The following CHL1 variants were observed in gnomAD, a reference collection of about 807,000 sequenced individuals.
The protein encoded by CHL1 is neural cell adhesion molecule L1-like protein.
A neutral mutation model predicts 141.9 loss-of-function variants in CHL1; 96 were observed. The observed-to-expected ratio is 0.68, with a 90% CI of 0.57 to 0.80. The LOEUF (loss-of-function observed/expected upper bound fraction) is 0.80, where lower values mean the gene tolerates loss of function less well. CHL1 is among the 30% of genes least tolerant of loss of function. The pLI is 0.00. For synonymous variants in CHL1, 613 were observed against 502.2 expected (o/e 1.22, Z -2.95); for missense variants, 1,820 against 1,457.2 (o/e 1.25, Z -4.05).
chr3:279,288 T>C (rs1296406389), intron 2 of CHL1, among the ~76,000 whole-genome samples: 1 of 152,170 alleles, frequency 6.6e-6, no homozygotes, highest in East Asian at 1.9e-4. Context: ...TTTTCTTTTC[T>C]TTTCTATTTT....
intron 2 of CHL1, among the ~76,000 whole-genome samples, chr3:249,314 A>C (rs1693466085): frequency 1.3e-5 from 2 of 152,172 alleles, no homozygotes; most frequent in South Asian, 2.1e-4. Context: ...CTTGCAGTGG[A>C]AGGAAGCCTC....
intron 11 of CHL1, among the ~76,000 whole-genome samples, chr3:355,765 T>C (rs1237988484): frequency 6.6e-6 from 1 of 152,108 alleles, no homozygotes; most frequent in Non-Finnish European, 1.5e-5. Context: ...TTGGTTGTGC[T>C]TGAATGAAAA....
At chr3:270,918 A>T (rs1223164754) in intron 2 of CHL1, among the ~76,000 whole-genome samples, 1 of 152,208 alleles carries the variant, frequency 6.6e-6, no homozygotes, top group Non-Finnish European at 1.5e-5. Context: ...TTCAGGCATG[A>T]CTGCTGGCTT....
At chr3:317,145 T>G (rs1178384289) in intron 2 of CHL1, among the ~76,000 whole-genome samples, 1 of 152,054 alleles carries the variant, frequency 6.6e-6, no homozygotes, top group Non-Finnish European at 1.5e-5. Context: ...AGCTAATTCC[T>G]GCAGGAGGTA....
chr3:405,891 C>A lies in CHL1; in HGVS notation c.*180C>A, dbSNP rs949980309. 2.5e-5 allele frequency: 14 copies of A among 559,736 alleles called. No homozygotes were observed. The highest frequency in any genetic ancestry group is 3.8e-5 in the Non-Finnish European group (12 of 313,498). The allele number at this position is 559,736 out of a possible 1,614,324, so 34.7% of individuals were successfully genotyped here. A position where few individuals can be genotyped will look rare whatever the true frequency, so the allele number is the denominator to read the frequency against. On this transcript the variant is annotated 3_prime_UTR_variant, in exon 28 of 28. Transcript: ENST00000256509. Reference sequence around the variant, plus strand: ...TTTCTTCAAAATATAAAATGCCAAGCACTTCAGGCCTATGTTTTGCTTATA... The same window carrying A: ...TTTCTTCAAAATATAAAATGCCAAGAACTTCAGGCCTATGTTTTGCTTATA...
chr3:260,826 G>C (rs564495438), intron 2 of CHL1, among the ~76,000 whole-genome samples: 1 of 152,160 alleles, frequency 6.6e-6, no homozygotes, highest in Non-Finnish European at 1.5e-5. Context: ...AAACAAATAA[G>C]ATTAAGGAAG....
intron 1 of CHL1, among the ~76,000 whole-genome samples, chr3:235,319 C>T (rs148532332): frequency 6.6e-6 from 1 of 151,936 alleles, no homozygotes; most frequent in African/African-American, 2.4e-5. Context: ...TGACATTAGG[C>T]AATATGTAAC....
intron 9 of CHL1, among the ~76,000 whole-genome samples, chr3:347,191 G>T (rs1483015691): frequency 3.3e-5 from 5 of 151,916 alleles, no homozygotes; most frequent in Non-Finnish European, 7.4e-5. Flanking sequence ...TAAATTCGTG[G>T]GTTTAAAGTA....
Position 336,312 on chromosome 3 carries a change from G to A in CHL1, c.386-4482G>A, listed in dbSNP as rs546689473. On this transcript the variant is annotated intron_variant, in intron 5 of 27. Coordinates refer to ENST00000256509, the MANE Select transcript of CHL1 (RefSeq NM_006614.4). The stretch of plus-strand genomic sequence containing the variant: ...CCTTCTATTTTGTTCCTAGAGTGCC[G>A]GAGAATCTGTAGTGTTGCATAACAT... 3.0e-4 allele frequency among the ~76,000 whole-genome samples: 45 copies of A among 152,138 alleles called. No individual in the cohort carries two copies. In the South Asian group the frequency reaches 7.1e-3, roughly 24 times the overall value.
intron 2 of CHL1, among the ~76,000 whole-genome samples, chr3:303,936 G>C (rs1401627203): frequency 6.6e-6 from 1 of 152,110 alleles, no homozygotes; most frequent in Non-Finnish European, 1.5e-5. Flanking sequence ...TAGCATGAAG[G>C]GGTGTTATAT....
chr3:391,923 G>A (rs1708260507), intron 23 of CHL1, 126 bp downstream of exon 23: 5 of 724,842 alleles, frequency 6.9e-6, no homozygotes, highest in South Asian at 2.3e-5. Context: ...GTTCTTCCTT[G>A]TAGCCCAGGG....
At chr3:286,280 T>C (rs1368659726) in intron 2 of CHL1, among the ~76,000 whole-genome samples, 2 of 152,088 alleles carry the variant, frequency 1.3e-5, no homozygotes, top group Non-Finnish European at 2.9e-5. Context: ...AGAAAGAATT[T>C]GGGGCAAGTC....
Position 328,224 on chromosome 3 carries a change from A to T in CHL1, c.255A>T (p.Pro85=), listed in dbSNP as rs767908736. 1 of 1,612,222 alleles carries T rather than the reference A, an allele frequency of 6.2e-7. No individual in the cohort carries two copies. The highest frequency in any genetic ancestry group is 8.5e-7 in the Non-Finnish European group (1 of 1,178,814). Residue 85 remains proline, a synonymous_variant, in exon 5 of 28, where the codon CCA becomes CCT. Transcript: ENST00000256509. ...PFYFTDHRII[P]SNNSGTFRIP... ...ATTTCACTGACCATCGGATAATTCC[A>T]TCGAACAATTCAGGAACATTCAGGA...
intron 2 of CHL1, among the ~76,000 whole-genome samples, chr3:317,774 A>G (rs1187846824): frequency 6.6e-6 from 1 of 151,844 alleles, no homozygotes; most frequent in East Asian, 1.9e-4. Flanking sequence ...ACAAATACGT[A>G]GGACTCACCT....
chr3:240,103 G>A (rs1257967886), intron 1 of CHL1, among the ~76,000 whole-genome samples: 2 of 152,186 alleles, frequency 1.3e-5, no homozygotes, highest in Admixed American at 6.5e-5. Context: ...CCTCTGGGTA[G>A]ATACCCAGTA....
intron 2 of CHL1, among the ~76,000 whole-genome samples, chr3:281,010 G>T (rs1294662595): frequency 1.3e-5 from 2 of 151,910 alleles, no homozygotes; most frequent in Non-Finnish European, 2.9e-5. Context: ...TTCCCAACTG[G>T]GGTTATTTTT....
intron 3 of CHL1, among the ~76,000 whole-genome samples, chr3:320,427 T>A (rs1416959118): frequency 1.3e-5 from 2 of 152,136 alleles, no homozygotes; most frequent in South Asian, 2.1e-4. Context: ...CTGATGGAAA[T>A]ATATAAATAT....
At chr3:306,926 A>T (rs916893172) in intron 2 of CHL1, among the ~76,000 whole-genome samples, 1 of 152,186 alleles carries the variant, frequency 6.6e-6, no homozygotes, top group Non-Finnish European at 1.5e-5. Context: ...AAGAAAAATA[A>T]AATCATATTC....
At chr3:239,919 G>T (rs1332005538) in intron 1 of CHL1, among the ~76,000 whole-genome samples, 1 of 152,112 alleles carries the variant, frequency 6.6e-6, no homozygotes, top group Admixed American at 6.6e-5. Context: ...TGTGAATGCG[G>T]TTAATTTCCT....
Sources: gnomAD v4.1 joint callset for allele counts (sites outside exome capture counted in the v4.1 genomes callset) on GRCh38, gnomAD v4.1.1 for gene constraint, MANE v1.5 for transcripts, NCBI Gene and HGNC (gene_info 2026-07-23, HGNC 2026-07-21) for gene names.